The following CERS3 variants were observed in gnomAD, a reference collection of about 807,000 sequenced individuals.
CERS3 encodes the protein ceramide synthase 3, also known as LAG1 homolog, ceramide synthase 3.
In CERS3, 33 loss-of-function variants were observed where a neutral mutation model predicts 50.3. That is an observed-to-expected ratio of 0.66 (90% CI 0.50 to 0.88). CERS3 has a LOEUF of 0.88. CERS3 is among the 40% of genes least tolerant of loss of function. The pLI is 0.00. For synonymous variants in CERS3, 176 were observed against 155.2 expected (o/e 1.13, Z -0.99); for missense variants, 470 against 460.3 (o/e 1.02, Z -0.19).
rs1232959643 is a variant in CERS3 at position 100,467,844 on chromosome 15, TATATATATAG to T, written c.845+1524_845+1533del. On this transcript the variant is annotated intron_variant, in intron 10 of 11. Coordinates refer to ENST00000679737, the MANE Select transcript of CERS3 (RefSeq NM_001378789.1). ...ATGTGTATATATATACGTGTATATA[TATATATATAG>T]ATAGATAGATAGATAGATAGATAGA... Among the ~76,000 whole-genome samples, 37 of 78,582 alleles carry T rather than the reference TATATATATAG, an allele frequency of 4.7e-4. 1 individual carries two copies. Among genetic ancestry groups the T allele is most frequent in the African/African-American group, 1.6e-3 (37 of 22,786 alleles). 51.6% of individuals were successfully genotyped at this position (78,582 alleles called of 152,430 possible).
chr15:100,511,218 G>T (rs1343370321), intron 2 of CERS3, among the ~76,000 whole-genome samples: 1 of 152,158 alleles, frequency 6.6e-6, no homozygotes, highest in Non-Finnish European at 1.5e-5. Flanking sequence ...GAACCCTGGA[G>T]GCGGAGGTTG....
chr15:100,471,267 G>A (rs562155680), intron 9 of CERS3, among the ~76,000 whole-genome samples: 9 of 151,734 alleles, frequency 5.9e-5, no homozygotes, highest in South Asian at 2.1e-4. Context: ...ACCTCAGAAC[G>A]TTTTCAGGTA....
At chr15:100,469,871 A>G (rs1478294807) in intron 9 of CERS3, among the ~76,000 whole-genome samples, 1 of 152,124 alleles carries the variant, frequency 6.6e-6, no homozygotes, top group African/African-American at 2.4e-5. Flanking sequence ...TGGACTGAAG[A>G]AAGGCTGGGA....
chr15:100,452,300 A>G (rs1167619476), intron 11 of CERS3, among the ~76,000 whole-genome samples: 5 of 152,218 alleles, frequency 3.3e-5, no homozygotes. Context: ...ATGGATTAGA[A>G]CTATAAATCA....
At chr15:100,441,246 CT>C (rs1424391110) in intron 11 of CERS3, among the ~76,000 whole-genome samples, 1 of 151,808 alleles carries the variant, frequency 6.6e-6, no homozygotes, top group Non-Finnish European at 1.5e-5. Context: ...CTCTGTGCCC[CT>C]ACCCCTTATT....
At chr15:100,413,925 C>T (rs939399794) in intron 11 of CERS3, among the ~76,000 whole-genome samples, 53 of 152,038 alleles carry the variant, frequency 3.5e-4, no homozygotes, top group African/African-American at 1.1e-3. Flanking sequence ...ACAGCAAATT[C>T]TGAAATTGAA....
upstream of CERS3, among the ~76,000 whole-genome samples, chr15:100,531,262 G>A (rs149328519): frequency 9.1e-4 from 139 of 152,294 alleles, no homozygotes; most frequent in African/African-American, 2.9e-3. Flanking sequence ...AAAGAACCCC[G>A]TCAGCATCTG....
intron 11 of CERS3, among the ~76,000 whole-genome samples, chr15:100,407,578 C>T (rs2031146770): frequency 6.6e-6 from 1 of 152,170 alleles, no homozygotes; most frequent in Non-Finnish European, 1.5e-5. Context: ...TCTGAATTTT[C>T]CAGGATTGCA....
intron 11 of CERS3, among the ~76,000 whole-genome samples, chr15:100,404,051 T>C (rs1413129206): frequency 2.6e-5 from 4 of 152,092 alleles, no homozygotes; most frequent in Non-Finnish European, 5.9e-5. Context: ...AGAGAGGCAA[T>C]GTGAAGACAG....
At chr15:100,544,393 T>TG (rs1567697231) in intron 1 of CERS3, 65 of 141,150 alleles carry the variant, frequency 4.6e-4, no homozygotes, top group Non-Finnish European at 7.5e-4. Flanking sequence ...GGCCTTGACC[T>TG]CCGCGGGGAC....
At chr15:100,535,798 A>G (rs375251225) in intron 1 of CERS3, among the ~76,000 whole-genome samples, 1,349 of 62,414 alleles carry the variant, frequency 0.022, 4 homozygotes, top group Middle Eastern at 0.062. Context: ...GGACATCCCT[A>G]TGCTCATATG....
intron 11 of CERS3, among the ~76,000 whole-genome samples, chr15:100,437,137 G>C (rs1488405706): frequency 6.6e-6 from 1 of 152,084 alleles, no homozygotes; most frequent in East Asian, 1.9e-4. Flanking sequence ...AGTAGAGACA[G>C]TGTTTCACCG....
intron 5 of CERS3, 44 bp downstream of exon 5, chr15:100,484,506 A>T: frequency 7.5e-7 from 1 of 1,333,534 alleles, no homozygotes. Context: ...ACTCAGCTCC[A>T]GATAGGACGG....
intron 11 of CERS3, among the ~76,000 whole-genome samples, chr15:100,436,884 A>AGGTGGGGATAAGTGTGGTTT: frequency 6.6e-6 from 1 of 152,138 alleles, no homozygotes; most frequent in East Asian, 1.9e-4. Flanking sequence ...AGACACTGCA[A>AGGTGGGGATAAGTGTGGTTT]CATCTAAATG....
At chr15:100,525,150 G>A (rs139571034) in intron 1 of CERS3, among the ~76,000 whole-genome samples, 34 of 152,172 alleles carry the variant, frequency 2.2e-4, no homozygotes, top group African/African-American at 8.0e-4. Context: ...ATGAATGTGA[G>A]TGTGTGTTTA....
At chr15:100,428,458 C>T (rs76961694) in intron 11 of CERS3, among the ~76,000 whole-genome samples, 67 of 152,334 alleles carry the variant, frequency 4.4e-4, no homozygotes, top group African/African-American at 1.4e-3. Flanking sequence ...TTCACAACCT[C>T]GGCACTGTGG....
At chr15:100,495,040 C>T (rs2035768710) in intron 3 of CERS3, among the ~76,000 whole-genome samples, 1 of 152,216 alleles carries the variant, frequency 6.6e-6, no homozygotes, top group Non-Finnish European at 1.5e-5. Flanking sequence ...TAGACAAACA[C>T]CCTCAGGGAA....
chr15:100,465,001 G>T (rs755003196), intron 10 of CERS3, among the ~76,000 whole-genome samples: 1 of 152,098 alleles, frequency 6.6e-6, no homozygotes, highest in Non-Finnish European at 1.5e-5. Context: ...TGAGGCTGGG[G>T]AAAATCAGAG....
intron 11 of CERS3, among the ~76,000 whole-genome samples, chr15:100,453,822 T>TA (rs1365225031): frequency 6.6e-6 from 1 of 152,096 alleles, no homozygotes; most frequent in East Asian, 1.9e-4. Context: ...AAATTCAACA[T>TA]AAAAAATAGT....
Sources: gnomAD v4.1 joint callset for allele counts (sites outside exome capture counted in the v4.1 genomes callset) on GRCh38, gnomAD v4.1.1 for gene constraint, MANE v1.5 for transcripts, NCBI Gene and HGNC (gene_info 2026-07-23, HGNC 2026-07-21) for gene names.